Variants in N4BP2 observed in about 807,000 individuals in gnomAD.
The protein encoded by N4BP2 is NEDD4 binding protein 2.
Under a neutral mutation model 152.8 loss-of-function variants are expected in N4BP2, and 91 were observed. The ratio of observed to expected loss-of-function variants is 0.60; its 90% CI spans 0.50 to 0.71. N4BP2 has a LOEUF of 0.71. N4BP2 is among the 30% of genes least tolerant of loss of function. The pLI is 0.00. For synonymous variants in N4BP2, 646 were observed against 705.3 expected, an observed-to-expected ratio of 0.92 and a Z score of 1.33; for missense variants, 1,923 against 2,059.1, an observed-to-expected ratio of 0.93 and a Z score of 1.28.
intron 4 of N4BP2, among the ~76,000 whole-genome samples, chr4:40,104,758 A>G (rs1159101361): frequency 2.0e-5 from 3 of 152,020 alleles, no homozygotes; most frequent in Non-Finnish European, 4.4e-5. Flanking sequence ...TTTTTGAATG[A>G]AGAGAGAGAA....
intron 2 of N4BP2, among the ~76,000 whole-genome samples, chr4:40,085,258 G>C (rs1476760460): frequency 2.0e-5 from 3 of 151,260 alleles, no homozygotes; most frequent in Admixed American, 1.3e-4. Flanking sequence ...TGACCAGGCT[G>C]GTCTTGACCT....
Position 40,121,927 on chromosome 4 carries a change from A to G in N4BP2, c.3816A>G (p.Thr1272=). ...AAACAGAAAAAAACCTAGTAGTCAC[A>G]GAGACTGGAGACAACATACATTCTC... ...MSETEKNLVV[T]ETGDNIHSPS... The change falls in exon 9 of 18, where the codon ACA becomes ACG. Residue 1272 remains threonine, a synonymous_variant. Coordinates refer to ENST00000261435, the MANE Select transcript of N4BP2 (RefSeq NM_018177.6). The G allele has an allele frequency of 6.3e-7, 1 of 1,588,014 alleles. No homozygotes were observed. The highest frequency in any genetic ancestry group is 8.5e-7 in the Non-Finnish European group (1 of 1,171,492).
chr4:40,120,166 T>C lies in N4BP2; in HGVS notation c.2055T>C (p.Phe685=). ...TTCTGGAAACTCCACACATGTATTT[T>C]TCTGACTCTGAAAGCAAACTACAGG... ...ALILETPHMY[F]SDSESKLQAT... is the part of the protein sequence containing the mutation. The change falls in exon 9 of 18, where the codon TTT becomes TTC. Residue 685 remains phenylalanine (F), a synonymous_variant. Transcript: ENST00000261435. The C allele has an allele frequency of 6.2e-7, 1 of 1,613,486 alleles. No homozygotes were observed. The highest frequency in any genetic ancestry group is 8.5e-7 in the Non-Finnish European group (1 of 1,179,872).
At chr4:40,147,894 C>T (rs1244558618) in intron 16 of N4BP2, among the ~76,000 whole-genome samples, 29 of 148,250 alleles carry the variant, frequency 2.0e-4, no homozygotes, top group Admixed American at 3.3e-4. Flanking sequence ...CCAGACGGGG[C>T]GGCGGGGCAG....
rs1718096244 is a variant in N4BP2 at position 40,123,226 on chromosome 4, T to C, written c.4284+14T>C. ...GAATCTGTAATGGTTGGTAGGCTTCTTTTTATAAAGAGCTCCTTTTTTGTC... is the reference window on the plus strand; with the variant it reads ...GAATCTGTAATGGTTGGTAGGCTTCCTTTTATAAAGAGCTCCTTTTTTGTC... On this transcript the variant is annotated intron_variant, in intron 10 of 17. Coordinates refer to ENST00000261435, the MANE Select transcript of N4BP2 (RefSeq NM_018177.6). 1.9e-6 allele frequency: 3 copies of C among 1,571,258 alleles called. No individual in the cohort carries two copies. Among genetic ancestry groups the C allele is most frequent in the Non-Finnish European group, 2.6e-6 (3 of 1,143,916 alleles).
intron 2 of N4BP2, among the ~76,000 whole-genome samples, chr4:40,075,180 G>C (rs1294702885): frequency 1.3e-5 from 2 of 151,996 alleles, no homozygotes; most frequent in Admixed American, 6.6e-5. Context: ...ATTAGTTGTA[G>C]ATATAAACAC....
intron 16 of N4BP2, among the ~76,000 whole-genome samples, chr4:40,150,934 T>C (rs1166847482): frequency 6.6e-6 from 1 of 152,232 alleles, no homozygotes; most frequent in Non-Finnish European, 1.5e-5. Flanking sequence ...ATTGTAGTTA[T>C]GCTTTTTAAA....
At chr4:40,130,045 T>C (rs1579099103) in intron 12 of N4BP2, among the ~76,000 whole-genome samples, 1 of 152,168 alleles carries the variant, frequency 6.6e-6, no homozygotes, top group African/African-American at 2.4e-5. Context: ...ATGTGAAATA[T>C]TTTAATTTAT....
the N4BP2 span, among the ~76,000 whole-genome samples, chr4:40,173,275 T>A: frequency 2.0e-5 from 3 of 152,188 alleles, no homozygotes; most frequent in Non-Finnish European, 4.4e-5. Flanking sequence ...AAAAGGTAGC[T>A]GATTACCCTA....
At chr4:40,172,722 C>T in the N4BP2 span, among the ~76,000 whole-genome samples, 1 of 152,228 alleles carries the variant, frequency 6.6e-6, no homozygotes, top group Admixed American at 6.5e-5. Context: ...CACTTTGCTA[C>T]TGTAGCCCTA....
Position 40,102,373 on chromosome 4 carries a change from A to G in N4BP2, c.528A>G (p.Ser176=), listed in dbSNP as rs143021031. The G allele has an allele frequency of 3.3e-4, 526 of 1,613,038 alleles. No individual in the cohort carries two copies. The African/African-American group carries it at 5.7e-3, about 18-fold the overall frequency. The change falls in exon 4 of 18, where the codon TCA becomes TCG. Residue 176 remains serine, a synonymous_variant. Coordinates refer to ENST00000261435, the MANE Select transcript of N4BP2 (RefSeq NM_018177.6). ...AAGATGTTAATAGTTTTAATGACTC[A>G]AGTGAGTTTATAAATCCTGATTCAA... ...PSQDVNSFND[S]SEFINPDSSN...
chr4:40,105,197 A>C (rs1412438351), intron 4 of N4BP2, among the ~76,000 whole-genome samples: 1 of 152,224 alleles, frequency 6.6e-6, no homozygotes, highest in Non-Finnish European at 1.5e-5. Flanking sequence ...AGAAGGTCAT[A>C]AATGGATATC....
At chr4:40,166,475 A>C in the N4BP2 span, among the ~76,000 whole-genome samples, 1 of 152,132 alleles carries the variant, frequency 6.6e-6, no homozygotes, top group East Asian at 1.9e-4. Context: ...GGATCACCTG[A>C]GGTTGGGAGT....
At chr4:40,124,304 C>A in intron 11 of N4BP2, 99 bp downstream of exon 11, 1 of 714,830 alleles carries the variant, frequency 1.4e-6, no homozygotes, top group Non-Finnish European at 2.3e-6. Flanking sequence ...AAATACGGTA[C>A]CCACAAATTT....
In N4BP2 at chr4:40,063,831, G is replaced by A. The variant is rs921752493; in HGVS notation, c.-212+6801G>A. Among the ~76,000 whole-genome samples the A allele has an allele frequency of 3.9e-5, 6 of 152,104 alleles. No individual in the cohort carries two copies. The East Asian group carries it at 1.2e-3, about 29-fold the overall frequency. ...GCTAATTTTTTGTCTTTTTAGTAGAGACAGGGTTTCACCATGTTGGCCAGG... is the reference window on the plus strand; with the variant it reads ...GCTAATTTTTTGTCTTTTTAGTAGAAACAGGGTTTCACCATGTTGGCCAGG... On this transcript the variant is annotated intron_variant, in intron 1 of 17. Transcript: ENST00000261435.
chr4:40,146,409 G>T (rs1042121122), intron 16 of N4BP2, among the ~76,000 whole-genome samples: 1 of 151,962 alleles, frequency 6.6e-6, no homozygotes, highest in African/African-American at 2.4e-5. Flanking sequence ...AAAGCTTATT[G>T]TATAATTGGT....
intron 2 of N4BP2, among the ~76,000 whole-genome samples, chr4:40,084,803 C>T (rs999866792): frequency 2.0e-5 from 3 of 149,516 alleles, no homozygotes; most frequent in African/African-American, 4.9e-5. Context: ...TTGGTAGAGA[C>T]AGGGTTTCTC....
the N4BP2 span, among the ~76,000 whole-genome samples, chr4:40,185,986 C>G: frequency 3.0e-4 from 46 of 152,114 alleles, no homozygotes; most frequent in Non-Finnish European, 5.7e-4. Flanking sequence ...AGAAACCTCA[C>G]TTTTTTATTT....
intron 2 of N4BP2, among the ~76,000 whole-genome samples, chr4:40,086,108 A>G (rs1192025825): frequency 2.7e-5 from 4 of 148,054 alleles, no homozygotes; most frequent in African/African-American, 9.9e-5. Context: ...CTGGGATTAC[A>G]GGCCTGCCAA....
Sources: allele counts gnomAD v4.1 joint callset (sites outside exome capture counted in the v4.1 genomes callset), GRCh38; gene constraint gnomAD v4.1.1; transcripts MANE v1.5; gene names NCBI Gene and HGNC (gene_info 2026-07-23, HGNC 2026-07-21).